Variants in HCRTR2 observed in about 807,000 individuals in gnomAD.
The protein encoded by HCRTR2 is orexin receptor type 2.
HCRTR2 carries 22 observed loss-of-function variants against 49.0 expected under a neutral mutation model. The ratio of observed to expected loss-of-function variants is 0.45; its 90% confidence interval spans 0.32 to 0.64. The LOEUF (loss-of-function observed/expected upper bound fraction) is 0.64, where lower values mean the gene tolerates loss of function less well. Among genes scored for constraint, HCRTR2 ranks in the 30% least tolerant of loss-of-function variants. The probability of loss-of-function intolerance (pLI) is 0.04; values close to 1 mark genes in which losing one functional copy is unlikely to be tolerated. For synonymous variants in HCRTR2, 236 were observed against 205.3 expected (o/e 1.15, Z -1.28); for missense variants, 491 against 559.4 (o/e 0.88, Z 1.23).
At chr6:55,143,244 T>C (rs1764533841) in intron 1 of HCRTR2, among the ~76,000 whole-genome samples, 1 of 152,056 alleles carries the variant, frequency 6.6e-6, no homozygotes, top group Admixed American at 6.5e-5. Context: ...TAGTATGTTC[T>C]AGGTATCTAG....
At chr6:55,269,116 A>G (rs1332809287) in intron 4 of HCRTR2, among the ~76,000 whole-genome samples, 1 of 151,588 alleles carries the variant, frequency 6.6e-6, no homozygotes, top group Non-Finnish European at 1.5e-5. Flanking sequence ...AGAAATAAAG[A>G]AAAAACAGGC....
intron 1 of HCRTR2, among the ~76,000 whole-genome samples, chr6:55,213,340 A>G (rs754389960): frequency 2.6e-5 from 4 of 152,172 alleles, no homozygotes; most frequent in Non-Finnish European, 5.9e-5. Context: ...ACAAACAATA[A>G]TTATTTAAAT....
chr6:55,219,745 ATAAT>A (rs1225908350), intron 1 of HCRTR2, among the ~76,000 whole-genome samples: 2 of 151,882 alleles, frequency 1.3e-5, no homozygotes. Flanking sequence ...AATTACTATA[ATAAT>A]TAATGAAACT....
intron 1 of HCRTR2, among the ~76,000 whole-genome samples, chr6:55,112,979 C>T (rs949840961): frequency 2.6e-5 from 4 of 151,956 alleles, no homozygotes; most frequent in Admixed American, 1.3e-4. Context: ...AAGCCAAATA[C>T]TTACAGCCAA....
intron 1 of HCRTR2, among the ~76,000 whole-genome samples, chr6:55,129,998 C>T (rs1488624245): frequency 6.6e-6 from 1 of 151,934 alleles, no homozygotes; most frequent in Non-Finnish European, 1.5e-5. Context: ...AGTTTCACAC[C>T]ATCATGTCCT....
At chr6:55,126,445 A>G (rs528233714) in intron 1 of HCRTR2, among the ~76,000 whole-genome samples, 93 of 152,274 alleles carry the variant, frequency 6.1e-4, no homozygotes, top group African/African-American at 2.1e-3. Context: ...TAGAACAGCA[A>G]AGATTGCTGC....
At chr6:55,216,653 C>T (rs1480799860) in intron 1 of HCRTR2, among the ~76,000 whole-genome samples, 1 of 152,214 alleles carries the variant, frequency 6.6e-6, no homozygotes, top group African/African-American at 2.4e-5. Context: ...GTGGGGAACA[C>T]ATTGAGCCAC....
At chr6:55,142,356 CCT>C (rs1259835991) in intron 1 of HCRTR2, among the ~76,000 whole-genome samples, 1 of 116,158 alleles carries the variant, frequency 8.6e-6, no homozygotes, top group Non-Finnish European at 1.7e-5. Context: ...GCCACCACGC[CCT>C]GTTAATTTTT....
At chr6:55,133,639 C>A (rs763837633) in intron 1 of HCRTR2, among the ~76,000 whole-genome samples, 1 of 149,206 alleles carries the variant, frequency 6.7e-6, no homozygotes, top group Non-Finnish European at 1.5e-5. Flanking sequence ...TATATATCTA[C>A]ATGTATTTAT....
At chr6:55,112,141 T>A (rs772642224) in intron 1 of HCRTR2, among the ~76,000 whole-genome samples, 38 of 151,816 alleles carry the variant, frequency 2.5e-4, no homozygotes, top group Non-Finnish European at 1.2e-4. Flanking sequence ...AAGGAACATA[T>A]CTTAGGGTAA....
intron 1 of HCRTR2, among the ~76,000 whole-genome samples, chr6:55,107,473 G>A (rs1763989412): frequency 1.3e-5 from 2 of 151,838 alleles, no homozygotes; most frequent in South Asian, 2.1e-4. Context: ...AAAGGCATAA[G>A]GCATAAGTAC....
chr6:55,230,282 T>C (rs1357708067), intron 1 of HCRTR2, among the ~76,000 whole-genome samples: 2 of 152,176 alleles, frequency 1.3e-5, no homozygotes, highest in African/African-American at 2.4e-5. Context: ...ACTATAAGCA[T>C]AATAAATGGT....
intron 1 of HCRTR2, among the ~76,000 whole-genome samples, chr6:55,161,334 G>A (rs1764802780): frequency 6.6e-6 from 1 of 152,146 alleles, no homozygotes; most frequent in Admixed American, 6.5e-5. Flanking sequence ...AGCTAAAGTA[G>A]TGTTTGGAGG....
intron 1 of HCRTR2, 132 bp downstream of exon 1, chr6:55,174,942 C>G: frequency 3.0e-6 from 2 of 672,242 alleles, no homozygotes; most frequent in Non-Finnish European, 5.3e-6. Context: ...ATGGGGTTTT[C>G]TAATAAAATA....
intron 1 of HCRTR2, among the ~76,000 whole-genome samples, chr6:55,145,356 C>G (rs1467637786): frequency 6.6e-6 from 1 of 151,658 alleles, no homozygotes; most frequent in Non-Finnish European, 1.5e-5. Flanking sequence ...TCCTGGCTCT[C>G]TAATGAGGCA....
At chr6:55,195,117 A>T (rs1026323107) in intron 1 of HCRTR2, among the ~76,000 whole-genome samples, 6 of 152,194 alleles carry the variant, frequency 3.9e-5, no homozygotes, top group Non-Finnish European at 7.4e-5. Context: ...AGAGAAAAAA[A>T]TGAATGAAGA....
At chr6:55,271,594 C>A (rs1766973785) in intron 4 of HCRTR2, among the ~76,000 whole-genome samples, 1 of 152,050 alleles carries the variant, frequency 6.6e-6, no homozygotes. Flanking sequence ...CGTTAAAAGT[C>A]AGCCCATATA....
At chr6:55,187,522 A>C (rs1182793900) in intron 1 of HCRTR2, among the ~76,000 whole-genome samples, 1 of 151,630 alleles carries the variant, frequency 6.6e-6, no homozygotes, top group African/African-American at 2.4e-5. Flanking sequence ...AAATTTATTA[A>C]TATGTATTAT....
rs370359506 is a variant in HCRTR2, at chr6:55,250,822, A to G, written c.402+2005A>G. On this transcript the variant is annotated intron_variant, in intron 2 of 6. Transcript: ENST00000370862. The stretch of plus-strand genomic sequence containing the variant: ...TCTGCCTCTCTGCACACAGTGTCCA[A>G]TCTAATCAATTCCTTAGCTGCTCCT... Among the ~76,000 whole-genome samples the G allele has an allele frequency of 4.3e-4, 65 of 152,244 alleles. 1 individual carries two copies. The highest frequency in any genetic ancestry group is 1.4e-3 in the African/African-American group (60 of 41,572).
Sources: allele counts gnomAD v4.1 joint callset (sites outside exome capture counted in the v4.1 genomes callset), GRCh38; gene constraint gnomAD v4.1.1; transcripts MANE v1.5; gene names NCBI Gene and HGNC (gene_info 2026-07-23, HGNC 2026-07-21).